HSD17B4: variants seen among roughly 807,000 people sequenced by gnomAD.
HSD17B4 encodes hydroxysteroid 17-beta dehydrogenase 4.
Under a neutral mutation model 101.0 loss-of-function variants are expected in HSD17B4, and 70 were observed. The ratio of observed to expected loss-of-function variants is 0.69; its 90% CI spans 0.57 to 0.85. The LOEUF (loss-of-function observed/expected upper bound fraction) is 0.85. Ranked by LOEUF, HSD17B4 falls within the 40% of genes least tolerant of loss-of-function variation. The pLI is 0.00. For missense variants in HSD17B4, 984 were observed against 892.4 expected (o/e 1.10, Z -1.31); for synonymous variants, 347 against 297.1 (o/e 1.17, Z -1.73).
intron 2 of HSD17B4, among the ~76,000 whole-genome samples, chr5:119,460,562 T>C (rs1755126121): frequency 2.0e-5 from 3 of 152,226 alleles, no homozygotes; most frequent in Admixed American, 2.0e-4. Flanking sequence ...ATTTTGTCAT[T>C]TGCCAGTTTT....
rs1178044736 is a variant in HSD17B4, at chr5:119,452,637, AG to A, written c.58+5del. ...CTGGTCACCGGCGCGGGGGCAGGTG[AG>A]CATGCGAAGGTTGGAGGCCGCGCCC... On this transcript the variant is annotated splice_donor_5th_base_variant and intron_variant, in intron 1 of 23. Coordinates refer to ENST00000510025, the MANE Select transcript of HSD17B4 (RefSeq NM_000414.4). The A allele has an allele frequency of 6.2e-7, 1 of 1,613,690 alleles. No individual in the cohort carries two copies. Among genetic ancestry groups the A allele is most frequent in the South Asian group, 1.1e-5 (1 of 91,072 alleles).
At chr5:119,473,273 CT>C (rs11408993) in intron 2 of HSD17B4, among the ~76,000 whole-genome samples, 245 of 36,976 alleles carry the variant, frequency 6.6e-3, no homozygotes, top group Non-Finnish European at 7.9e-3. Flanking sequence ...GTGGATGAAT[CT>C]TTTTTTTTTT....
intron 8 of HSD17B4, among the ~76,000 whole-genome samples, chr5:119,482,675 T>C (rs897571715): frequency 2.0e-5 from 3 of 152,146 alleles, no homozygotes; most frequent in Non-Finnish European, 4.4e-5. Flanking sequence ...CTCTCTGTTC[T>C]TGTTTTTTTA....
At chr5:119,500,581 G>A (rs1751068442) in intron 13 of HSD17B4, among the ~76,000 whole-genome samples, 3 of 152,008 alleles carry the variant, frequency 2.0e-5, no homozygotes, top group Admixed American at 2.0e-4. Context: ...TAGAGTTCAG[G>A]GAGGGGTCTA....
chr5:119,454,710 C>T (rs1185828594), intron 1 of HSD17B4, among the ~76,000 whole-genome samples: 1 of 152,132 alleles, frequency 6.6e-6, no homozygotes, highest in African/African-American at 2.4e-5. Flanking sequence ...CAACCTCTGC[C>T]TTCCGGGTTC....
Position 119,477,573 on chromosome 5 carries a change from T to A in HSD17B4, c.434+72T>A, listed in dbSNP as rs375468618. 95 of 974,808 alleles carry A rather than the reference T, an allele frequency of 9.7e-5. 1 individual carries two copies. In the South Asian group the frequency reaches 1.1e-3, roughly 11 times the overall value. 60.4% of individuals were successfully genotyped at this position (974,808 alleles called of 1,614,324 possible). ...GGGGGTTCTTGTGTACAGGGAAAGA[T>A]TATGTGAAGTGTTGTGAAATGATTT... On this transcript the variant is annotated intron_variant, in intron 7 of 23. Transcript: ENST00000510025.
intron 14 of HSD17B4, among the ~76,000 whole-genome samples, chr5:119,502,722 GT>G (rs1751286243): frequency 6.6e-6 from 1 of 152,084 alleles, no homozygotes; most frequent in African/African-American, 2.4e-5. Context: ...GTCATTTCAT[GT>G]TATACAATGT....
intron 2 of HSD17B4, among the ~76,000 whole-genome samples, chr5:119,473,093 G>A (rs1355919801): frequency 6.6e-6 from 1 of 152,022 alleles, no homozygotes; most frequent in Non-Finnish European, 1.5e-5. Context: ...ACATTGGAGT[G>A]CTAATATCCT....
chr5:119,480,783 G>A (rs562020937), intron 8 of HSD17B4, among the ~76,000 whole-genome samples: 12 of 152,314 alleles, frequency 7.9e-5, no homozygotes, highest in African/African-American at 2.2e-4. Context: ...TCAACCGTAA[G>A]AGACAGGTAC....
intron 2 of HSD17B4, among the ~76,000 whole-genome samples, chr5:119,459,042 A>G (rs564588502): frequency 2.6e-4 from 39 of 152,244 alleles, no homozygotes; most frequent in African/African-American, 7.5e-4. Context: ...TTGAATTACA[A>G]TCTTTTTAAG....
intron 12 of HSD17B4, among the ~76,000 whole-genome samples, chr5:119,498,094 T>C (rs147235360): frequency 6.6e-6 from 1 of 152,322 alleles, no homozygotes; most frequent in African/African-American, 2.4e-5. Context: ...ACTGTTCCTG[T>C]TTGTATTCTT....
At chr5:119,462,433 A>G (rs1489064274) in intron 2 of HSD17B4, among the ~76,000 whole-genome samples, 1 of 151,800 alleles carries the variant, frequency 6.6e-6, no homozygotes, top group African/African-American at 2.4e-5. Flanking sequence ...ATCTTTTCCA[A>G]ACTGTTTTCT....
chr5:119,527,673 GAAC>G (rs1753725528), intron 20 of HSD17B4, among the ~76,000 whole-genome samples: 1 of 151,994 alleles, frequency 6.6e-6, no homozygotes, highest in East Asian at 1.9e-4. Flanking sequence ...AAAAAAATTA[GAAC>G]AACAGTTTAT....
At chr5:119,530,834 C>T (rs1166573076) in intron 21 of HSD17B4, among the ~76,000 whole-genome samples, 1 of 94,524 alleles carries the variant, frequency 1.1e-5, no homozygotes, top group African/African-American at 4.1e-5. Context: ...GCCTGGGCGA[C>T]AAGTCTGTCT....
intron 8 of HSD17B4, among the ~76,000 whole-genome samples, chr5:119,483,706 A>G (rs1749353554): frequency 6.6e-6 from 1 of 152,182 alleles, no homozygotes; most frequent in African/African-American, 2.4e-5. Context: ...CAGCTTCAGC[A>G]AATGGTCAAC....
intron 21 of HSD17B4, 86 bp from the exon 22 acceptor site, chr5:119,531,180 C>G (rs1241603663): frequency 1.4e-6 from 2 of 1,382,278 alleles, no homozygotes; most frequent in African/African-American, 2.9e-5. Context: ...TTTAAAAAAT[C>G]TTTTTTTTGC....
chr5:119,471,508 T>C (rs1756363165), intron 2 of HSD17B4: 1 of 416,192 alleles, frequency 2.4e-6, no homozygotes, highest in South Asian at 8.5e-5. Context: ...TCACCCCAGT[T>C]TTAAAAAGAG....
chr5:119,532,250 CT>C (rs1754177568), intron 22 of HSD17B4, among the ~76,000 whole-genome samples: 1 of 152,032 alleles, frequency 6.6e-6, no homozygotes, highest in Non-Finnish European at 1.5e-5. Context: ...TCAGCAGAGT[CT>C]GTTGCTTGTC....
chr5:119,468,162 A>C (rs1756000539), intron 2 of HSD17B4, among the ~76,000 whole-genome samples: 2 of 151,880 alleles, frequency 1.3e-5, no homozygotes, highest in African/African-American at 4.8e-5. Flanking sequence ...TAGTGATGAA[A>C]TTGGATTCTT....
Sources: gnomAD v4.1 joint callset for allele counts (sites outside exome capture counted in the v4.1 genomes callset) on GRCh38, gnomAD v4.1.1 for gene constraint, MANE v1.5 for transcripts, NCBI Gene and HGNC (gene_info 2026-07-23, HGNC 2026-07-21) for gene names.